SLC1A1: variants seen among roughly 807,000 people sequenced by gnomAD.
SLC1A1 encodes the protein solute carrier family 1 member 1.
Under a neutral mutation model 53.3 loss-of-function variants are expected in SLC1A1, and 43 were observed. The observed-to-expected ratio is 0.81, with a 90% CI of 0.63 to 1.04. The LOEUF (loss-of-function observed/expected upper bound fraction) is 1.04, where lower values mean the gene tolerates loss of function less well. Among genes scored for constraint, SLC1A1 ranks in the 50% least tolerant of loss-of-function variants. The pLI, the probability that SLC1A1 is intolerant of heterozygous loss-of-function variation, is 0.00. For synonymous variants in SLC1A1, 307 were observed against 243.2 expected, an observed-to-expected ratio of 1.26 and a Z score of -2.44; for missense variants, 748 against 664.9, an observed-to-expected ratio of 1.12 and a Z score of -1.37.
At chr9:4,552,037 C>A (rs960404119) in intron 2 of SLC1A1, among the ~76,000 whole-genome samples, 2 of 152,220 alleles carry the variant, frequency 1.3e-5, no homozygotes, top group African/African-American at 4.8e-5. Flanking sequence ...CCCAGAGAAT[C>A]AACCATGCAT....
intron 1 of SLC1A1, among the ~76,000 whole-genome samples, chr9:4,508,752 A>T (rs1366356087): frequency 1.3e-5 from 2 of 152,178 alleles, no homozygotes; most frequent in Non-Finnish European, 2.9e-5. Context: ...AGGTTTGATG[A>T]GCAAAGGTTA....
intron 1 of SLC1A1, among the ~76,000 whole-genome samples, chr9:4,498,994 A>C (rs986139401): frequency 7.0e-6 from 1 of 141,984 alleles, no homozygotes; most frequent in African/African-American, 2.7e-5. Context: ...TATATTATAT[A>C]TAAGATTATA....
At position 4,556,001 on chromosome 9, in the gene SLC1A1, T is replaced by G. The variant is rs1437430164; in HGVS notation, c.233-5448T>G. Among the ~76,000 whole-genome samples, 3 of 152,070 alleles carry G rather than the reference T, an allele frequency of 2.0e-5. No individual in the cohort carries two copies. Among genetic ancestry groups the G allele is most frequent in the Non-Finnish European group, 4.4e-5 (3 of 67,990 alleles). ...AAAATACTAGCCCTATTTTTTTTTT[T>G]TTTTGAGATGGAGTTTCACTCCTGT... is the stretch of plus-strand genomic sequence containing the variant. On this transcript the variant is annotated intron_variant, in intron 2 of 11. Transcript: ENST00000262352. The surrounding 1 kb of genome is among the most constrained non-coding windows in gnomAD (Gnocchi z 4.1).
At chr9:4,508,284 T>C (rs576509451) in intron 1 of SLC1A1, among the ~76,000 whole-genome samples, 2 of 152,310 alleles carry the variant, frequency 1.3e-5, no homozygotes, top group South Asian at 2.1e-4. Context: ...CCACAAGTCA[T>C]AGATATGTAT....
intron 1 of SLC1A1, among the ~76,000 whole-genome samples, chr9:4,540,468 C>T (rs986442070): frequency 1.3e-5 from 2 of 152,150 alleles, no homozygotes; most frequent in Admixed American, 1.3e-4. Flanking sequence ...GAACTGTTGA[C>T]ACTTAAGCCG....
chr9:4,584,082 C>T (rs1281950431), intron 11 of SLC1A1, among the ~76,000 whole-genome samples: 1 of 152,182 alleles, frequency 6.6e-6, no homozygotes, highest in Non-Finnish European at 1.5e-5. Context: ...AGTATTGCTC[C>T]ACATGGAGCC....
chr9:4,531,378 G>A (rs540511882), intron 1 of SLC1A1, among the ~76,000 whole-genome samples: 5 of 152,292 alleles, frequency 3.3e-5, no homozygotes, highest in South Asian at 4.1e-4. Context: ...CTTTTCCAAC[G>A]GTCTTAGCAA....
intron 2 of SLC1A1, chr9:4,559,952 G>T (rs555973170): frequency 6.6e-6 from 1 of 152,088 alleles, no homozygotes; most frequent in Non-Finnish European, 1.5e-5. Context: ...CTGGCAAGGC[G>T]GGATGCCTGC....
intron 4 of SLC1A1, 35 bp downstream of exon 4, chr9:4,564,493 T>C (rs773703428): frequency 7.2e-6 from 9 of 1,254,172 alleles, no homozygotes; most frequent in Non-Finnish European, 1.0e-5. Context: ...TTCAAGGGCA[T>C]GCGGATAGCA....
chr9:4,560,878 C>T (rs1369671370), intron 2 of SLC1A1, among the ~76,000 whole-genome samples: 1 of 152,032 alleles, frequency 6.6e-6, no homozygotes, highest in Non-Finnish European at 1.5e-5. Flanking sequence ...CACCTGTAAT[C>T]CCAGCTACTC....
At chr9:4,495,103 C>T (rs768052195) in intron 1 of SLC1A1, among the ~76,000 whole-genome samples, 2 of 152,184 alleles carry the variant, frequency 1.3e-5, no homozygotes, top group African/African-American at 2.4e-5. Context: ...CGTGTCTCTA[C>T]CCTGGAGCTC....
rs547512181 is a variant in SLC1A1 at position 4,549,482 on chromosome 9, G to A, written c.232+4775G>A. On this transcript the variant is annotated intron_variant, in intron 2 of 11. Transcript: ENST00000262352. This position sits in a 1 kb window ranked among gnomAD's most constrained non-coding sequence, Gnocchi z 4.1. Reference sequence around the variant, plus strand: ...GGTGACATCCAACTGCTCCCTGAAGGGGCTCCCAGGGCCTCTTAACAGGGA... The same window carrying A: ...GGTGACATCCAACTGCTCCCTGAAGAGGCTCCCAGGGCCTCTTAACAGGGA... 4.6e-5 allele frequency among the ~76,000 whole-genome samples: 7 copies of A among 152,272 alleles called. No homozygotes were observed. The South Asian group carries it at 1.0e-3, about 23-fold the overall frequency.
chr9:4,565,389 T>C (rs994020086), intron 4 of SLC1A1, among the ~76,000 whole-genome samples: 7 of 152,150 alleles, frequency 4.6e-5, no homozygotes, highest in Non-Finnish European at 8.8e-5. Context: ...TGGGACTGGG[T>C]AATTTATAAC....
At chr9:4,504,469 C>G (rs567838088) in intron 1 of SLC1A1, among the ~76,000 whole-genome samples, 15 of 152,294 alleles carry the variant, frequency 9.8e-5, no homozygotes, top group African/African-American at 3.1e-4. Context: ...ATGTGGTCAC[C>G]AAAGAGTCGG....
chr9:4,550,679 C>T (rs1476684530), intron 2 of SLC1A1, among the ~76,000 whole-genome samples: 1 of 152,178 alleles, frequency 6.6e-6, no homozygotes, highest in Non-Finnish European at 1.5e-5. Context: ...GAATGAGCCA[C>T]CACACCTGCC....
intron 1 of SLC1A1, among the ~76,000 whole-genome samples, chr9:4,504,824 C>T (rs1166780493): frequency 2.0e-5 from 3 of 152,082 alleles, no homozygotes; most frequent in Middle Eastern, 3.2e-3. Flanking sequence ...TTTCACTGTG[C>T]AATCACAACA....
chr9:4,518,728 C>T (rs1815954439), intron 1 of SLC1A1, among the ~76,000 whole-genome samples: 1 of 152,204 alleles, frequency 6.6e-6, no homozygotes, highest in Admixed American at 6.5e-5. Context: ...TATCAGGTCA[C>T]TCTGCTGCCT....
intron 10 of SLC1A1, among the ~76,000 whole-genome samples, chr9:4,580,651 G>GTGTATGTGTGTA (rs370378540): frequency 7.6e-5 from 9 of 118,846 alleles, no homozygotes; most frequent in African/African-American, 3.0e-4. Flanking sequence ...GTGTGTGTGT[G>GTGTATGTGTGTA]TATAAGGAAT....
At chr9:4,506,784 T>A (rs191226782) in intron 1 of SLC1A1, among the ~76,000 whole-genome samples, 185 of 152,230 alleles carry the variant, frequency 1.2e-3, no homozygotes, top group African/African-American at 4.3e-3. Context: ...GGGAAAAGGG[T>A]TGGCAGATCA....
Sources: allele counts gnomAD v4.1 joint callset (sites outside exome capture counted in the v4.1 genomes callset), GRCh38; gene constraint gnomAD v4.1.1; non-coding constraint Gnocchi (gnomAD v3.1); transcripts MANE v1.5; gene names NCBI Gene and HGNC (gene_info 2026-07-23, HGNC 2026-07-21).